ERG: variants seen among roughly 807,000 people sequenced by gnomAD.
The protein encoded by ERG is ETS transcription factor ERG, also known as transcriptional regulator ERG.
ERG carries 9 observed loss-of-function variants against 55.3 expected under a neutral mutation model. That is an observed-to-expected ratio of 0.16 (90% CI 0.10 to 0.28). The LOEUF is 0.28. ERG is among the 10% of genes least tolerant of loss of function. The probability of loss-of-function intolerance (pLI) is 1.00; values close to 1 mark genes in which losing one functional copy is unlikely to be tolerated. For synonymous variants in ERG, 223 were observed against 237.3 expected (o/e 0.94, Z 0.55); for missense variants, 434 against 631.6 (o/e 0.69, Z 3.35).
chr21:38,515,111 G>C (rs1244109397), intron 2 of ERG, among the ~76,000 whole-genome samples: 1 of 151,928 alleles, frequency 6.6e-6, no homozygotes, highest in Non-Finnish European at 1.5e-5. Context: ...TATATTCATG[G>C]ATTGAAAAAC....
At chr21:38,430,684 T>G (rs554655422) in intron 2 of ERG, among the ~76,000 whole-genome samples, 2 of 152,308 alleles carry the variant, frequency 1.3e-5, no homozygotes, top group South Asian at 4.1e-4. Context: ...GAGAAAGAAC[T>G]GAACAATAGC....
At chr21:38,466,291 A>G (rs1036341707) in intron 1 of ERG, among the ~76,000 whole-genome samples, 27 of 76,882 alleles carry the variant, frequency 3.5e-4, no homozygotes, top group Non-Finnish European at 8.7e-4. Context: ...AGGCTGTCTG[A>G]TGGTCTGGGG....
At chr21:38,536,517 G>C (rs967572866) in intron 2 of ERG, among the ~76,000 whole-genome samples, 6 of 152,080 alleles carry the variant, frequency 3.9e-5, no homozygotes, top group Non-Finnish European at 7.4e-5. Flanking sequence ...AGCATTTTAT[G>C]CATCCTCTGT....
At chr21:38,564,806 G>A (rs2059913269) in intron 2 of ERG, among the ~76,000 whole-genome samples, 1 of 151,790 alleles carries the variant, frequency 6.6e-6, no homozygotes, top group African/African-American at 2.4e-5. Context: ...GTATGCATTG[G>A]AGGGGCCCAA....
chr21:38,514,195 C>T (rs528515320), intron 2 of ERG, among the ~76,000 whole-genome samples: 23 of 151,018 alleles, frequency 1.5e-4, no homozygotes, highest in Admixed American at 5.9e-4. Flanking sequence ...CCAGGCCAGA[C>T]GGATTTATCA....
intron 1 of ERG, among the ~76,000 whole-genome samples, chr21:38,604,173 G>A (rs1452503042): frequency 6.6e-6 from 1 of 150,972 alleles, no homozygotes; most frequent in Non-Finnish European, 1.5e-5. Context: ...AGAATGGCGT[G>A]AACCCGGGAG....
At chr21:38,430,167 A>G (rs1007188341) in intron 2 of ERG, among the ~76,000 whole-genome samples, 1 of 152,042 alleles carries the variant, frequency 6.6e-6, no homozygotes, top group Admixed American at 6.5e-5. Context: ...CCCTGATAAC[A>G]AGTGATGTTG....
chr21:38,401,358 G>A (rs1215648316), intron 5 of ERG, among the ~76,000 whole-genome samples: 2 of 152,218 alleles, frequency 1.3e-5, no homozygotes, highest in Admixed American at 1.3e-4. Flanking sequence ...AGAAGGGGAA[G>A]TAACTTCCTC....
At chr21:38,424,184 CGAG>C (rs1569087199) in intron 2 of ERG, among the ~76,000 whole-genome samples, 15,112 of 62,980 alleles carry the variant, frequency 0.24, 1,720 homozygotes, top group African/African-American at 0.36. Flanking sequence ...GACCAGAGCT[CGAG>C]CTCTCTCTCT....
downstream of ERG, among the ~76,000 whole-genome samples, chr21:38,375,851 GC>G: frequency 6.6e-6 from 1 of 152,196 alleles, no homozygotes; most frequent in Non-Finnish European, 1.5e-5. Flanking sequence ...CCACTGTCTT[GC>G]TCATTATCCT....
intron 2 of ERG, among the ~76,000 whole-genome samples, chr21:38,432,095 G>T (rs988570551): frequency 6.6e-6 from 1 of 152,100 alleles, no homozygotes; most frequent in African/African-American, 2.4e-5. Flanking sequence ...GATTTGATTT[G>T]ATTTTATTGT....
At chr21:38,421,696 C>A (rs914432580) in intron 3 of ERG, among the ~76,000 whole-genome samples, 1 of 152,206 alleles carries the variant, frequency 6.6e-6, no homozygotes, top group Non-Finnish European at 1.5e-5. Flanking sequence ...TACAGTGCAG[C>A]TCAGTGGTGA....
intron 2 of ERG, among the ~76,000 whole-genome samples, chr21:38,514,328 G>A (rs2059536355): frequency 6.6e-6 from 1 of 151,198 alleles, no homozygotes; most frequent in South Asian, 2.1e-4. Flanking sequence ...GAAAATTATG[G>A]GTCAATTTCA....
intron 3 of ERG, among the ~76,000 whole-genome samples, chr21:38,422,136 C>T (rs62217907): frequency 0.36 from 54,876 of 152,184 alleles, 10,532 homozygotes; most frequent in East Asian, 0.46. Context: ...CAATTCCAGA[C>T]GGAAGTGCTC....
chr21:38,487,799 T>C (rs28568300), intron 1 of ERG, among the ~76,000 whole-genome samples: 5,496 of 152,298 alleles, frequency 0.036, 159 homozygotes, highest in South Asian at 0.14. Flanking sequence ...ATACTGAGAT[T>C]GACATAGTGT....
chr21:38,599,052 T>C (rs2060148168), intron 1 of ERG, among the ~76,000 whole-genome samples: 1 of 152,200 alleles, frequency 6.6e-6, no homozygotes, highest in Non-Finnish European at 1.5e-5. Flanking sequence ...CCATTTAGGC[T>C]GCCTCCAAGG....
intron 3 of ERG, among the ~76,000 whole-genome samples, chr21:38,413,905 T>G (rs188050859): frequency 1.3e-5 from 2 of 152,286 alleles, no homozygotes; most frequent in African/African-American, 2.4e-5. Context: ...TCTCTCCATA[T>G]GTATCTTTGG....
chr21:38,640,618 G>A (rs745365486), intron 1 of ERG, among the ~76,000 whole-genome samples: 13 of 152,112 alleles, frequency 8.5e-5, no homozygotes, highest in Non-Finnish European at 1.6e-4. Flanking sequence ...CTTGCCTGCC[G>A]CCATGTAAGA....
Position 38,403,564 on chromosome 21 carries a change from C to T in ERG, c.534G>A (p.Arg178=). 5 of 1,614,186 alleles carry T rather than the reference C, an allele frequency of 3.1e-6. No homozygotes were observed. The highest frequency in any genetic ancestry group is 4.2e-6 in the Non-Finnish European group (5 of 1,180,032). The part of the protein sequence containing the change: ...LCKMTKDDFQ[R]LTPSYNADIL... ...TGTCGGCGTTGTAGCTGGGGGTGAG[C>T]CTCTGGAAGTCGTCCTTGGTCATCT... The change falls in exon 4 of 10, where the codon AGG becomes AGA. Residue 178 remains arginine (R), a synonymous_variant. Coordinates refer to ENST00000288319, the MANE Select transcript of ERG (RefSeq NM_182918.4).
Sources: gnomAD v4.1 joint callset for allele counts (sites outside exome capture counted in the v4.1 genomes callset) on GRCh38, gnomAD v4.1.1 for gene constraint, MANE v1.5 for transcripts, NCBI Gene and HGNC (gene_info 2026-07-23, HGNC 2026-07-21) for gene names.